The following THTPA variants were observed in gnomAD, a reference collection of about 807,000 sequenced individuals.
THTPA encodes thiamine triphosphatase.
A neutral mutation model predicts 16.5 loss-of-function variants in THTPA; 16 were observed. The ratio of observed to expected loss-of-function variants is 0.97; its 90% confidence interval spans 0.66 to 1.47. The LOEUF is 1.47. Among genes scored for constraint, THTPA ranks in the 40% most tolerant of loss-of-function variants. The pLI, the probability that THTPA is intolerant of heterozygous loss-of-function variation, is 0.00. For synonymous variants in THTPA, 110 were observed against 115.5 expected, an observed-to-expected ratio of 0.95 and a Z score of 0.30; for missense variants, 281 against 280.9, an observed-to-expected ratio of 1.00 and a Z score of 0.00.
chr14:23,523,481 T>C, the THTPA span: 137 of 1,536,122 alleles, frequency 8.9e-5, no homozygotes, highest in Non-Finnish European at 1.1e-4. The surrounding 1 kb of genome is among the most constrained non-coding windows in gnomAD (Gnocchi z 4.1). Context: ...GAAATCATAC[T>C]TGACATCACA....
At chr14:23,525,999 C>G in the THTPA span, 1 of 1,530,088 alleles carries the variant, frequency 6.5e-7, no homozygotes, top group South Asian at 1.2e-5. The surrounding 1 kb of genome is among the most constrained non-coding windows in gnomAD (Gnocchi z 5.9). Flanking sequence ...GATATGAAGC[C>G]ACTGGTGTCA....
the THTPA span, among the ~76,000 whole-genome samples, chr14:23,512,515 G>A: frequency 1.3e-5 from 2 of 151,110 alleles, no homozygotes; most frequent in Non-Finnish European, 2.9e-5. Context: ...GAGCTCTCCC[G>A]ATACCCCACC....
chr14:23,513,400 TGTGTATGTGTGTGTGC>T, the THTPA span: 1 of 152,420 alleles, frequency 6.6e-6, no homozygotes, highest in African/African-American at 2.4e-5. Context: ...GCCGTGTGTG[TGTGTATGTGTGTGTGC>T]GCGCATGTAC....
the THTPA span, chr14:23,528,675 C>T: frequency 1.0e-6 from 1 of 985,366 alleles, no homozygotes; most frequent in Non-Finnish European, 1.2e-6. Context: ...TCAGCAGCTC[C>T]CACCTTATTT....
the THTPA span, chr14:23,548,382 C>G: frequency 6.6e-6 from 1 of 152,222 alleles, no homozygotes; most frequent in Non-Finnish European, 1.5e-5. Context: ...AGTCAGAAAT[C>G]CTACCAATTC....
chr14:23,557,164 A>G lies in THTPA; in HGVS notation c.407A>G (p.Asp136Gly). Residue 136 changes from aspartate to glycine, a missense_variant, in exon 1 of 2, where the codon GAT (aspartate) becomes GGT (glycine). Transcript: ENST00000288014. The part of the protein sequence containing the change: ...SAWKLVLLGA[D>G]EEEPQLRVDL... The stretch of plus-strand genomic sequence containing the variant: ...TGGAAGCTGGTGCTCTTGGGAGCTG[A>G]TGAAGAGGAGCCACAGCTCAGGGTG... 1 of 1,614,112 alleles carries G rather than the reference A, an allele frequency of 6.2e-7. No individual in the cohort carries two copies. The highest frequency in any genetic ancestry group is 8.5e-7 in the Non-Finnish European group (1 of 1,179,998).
chr14:23,559,645 A>C lies in THTPA; in HGVS notation c.*805A>C. The C allele has an allele frequency of 9.7e-7, 1 of 1,035,880 alleles. No homozygotes were observed. Among genetic ancestry groups the C allele is most frequent in the Non-Finnish European group, 1.5e-6 (1 of 680,964 alleles). 64.2% of individuals were successfully genotyped at this position (1,035,880 alleles called of 1,614,324 possible). On this transcript the variant is annotated 3_prime_UTR_variant, in exon 2 of 2. Transcript: ENST00000288014. ...CTGGTCCCCAGTTTTTGCAGTGCAA[A>C]GCCAGAGCGCCACCTGCTGGTAGCC...
At chr14:23,524,149 C>T in the THTPA span, 11 of 1,535,890 alleles carry the variant, frequency 7.2e-6, no homozygotes, top group East Asian at 9.8e-5. This position sits in a 1 kb window ranked among gnomAD's most constrained non-coding sequence, Gnocchi z 5.6. Context: ...CTGTGGCAGG[C>T]GGTTTCACTG....
Position 23,560,073 on chromosome 14 carries a change from T to C in THTPA, c.*1233T>C. ...AGTTTAACAGAGCACAGTATGGCAG[T>C]AGGTAGGGCTCAGGCAGCCCCTCTA... On this transcript the variant is annotated 3_prime_UTR_variant, in exon 2 of 2. Coordinates refer to ENST00000288014, the MANE Select transcript of THTPA (RefSeq NM_024328.6). 3 of 1,477,332 alleles carry C rather than the reference T, an allele frequency of 2.0e-6. No individual in the cohort carries two copies. The highest frequency in any genetic ancestry group is 2.8e-6 in the Non-Finnish European group (3 of 1,066,896). 91.5% of individuals were successfully genotyped at this position (1,477,332 alleles called of 1,614,324 possible). A position where few individuals can be genotyped will look rare whatever the true frequency, so the allele number is the denominator to read the frequency against.
the THTPA span, chr14:23,530,366 T>C: frequency 4.3e-6 from 3 of 702,432 alleles, no homozygotes; most frequent in East Asian, 2.7e-5. Flanking sequence ...ACACAGAAGA[T>C]AGAGGGAAAA....
chr14:23,524,549 G>A, the THTPA span: 5 of 1,530,560 alleles, frequency 3.3e-6, no homozygotes, highest in South Asian at 3.6e-5. The surrounding 1 kb of genome is among the most constrained non-coding windows in gnomAD (Gnocchi z 5.6). Context: ...GGGAGCACTG[G>A]GCTGCAGAGA....
chr14:23,533,181 A>C, the THTPA span: 21 of 1,440,816 alleles, frequency 1.5e-5, no homozygotes, highest in Non-Finnish European at 1.8e-5. This position sits in a 1 kb window ranked among gnomAD's most constrained non-coding sequence, Gnocchi z 4.8. Flanking sequence ...TAGTGCTCAG[A>C]GGGACTTATG....
At chr14:23,530,060 C>T in the THTPA span, 1 of 1,432,428 alleles carries the variant, frequency 7.0e-7, no homozygotes. Context: ...TGGATTACTG[C>T]AAGGTCCCGT....
chr14:23,512,410 C>T, the THTPA span, among the ~76,000 whole-genome samples: 2 of 151,476 alleles, frequency 1.3e-5, no homozygotes, highest in Admixed American at 6.6e-5. Flanking sequence ...TGGGGCTGTG[C>T]GGCTGGGGGT....
chr14:23,537,156 C>T, the THTPA span, among the ~76,000 whole-genome samples: 1 of 151,656 alleles, frequency 6.6e-6, no homozygotes. Flanking sequence ...CTCCGTCTCA[C>T]CAAAAAAACA....
At chr14:23,541,096 G>C in the THTPA span, among the ~76,000 whole-genome samples, 4 of 151,782 alleles carry the variant, frequency 2.6e-5, no homozygotes, top group African/African-American at 9.7e-5. Context: ...AGTAGAGACG[G>C]GGTTTCACCA....
chr14:23,548,122 C>G, the THTPA span, among the ~76,000 whole-genome samples: 1 of 152,196 alleles, frequency 6.6e-6, no homozygotes. Flanking sequence ...ATTACACTTT[C>G]AACAACTCTC....
the THTPA span, among the ~76,000 whole-genome samples, chr14:23,545,576 T>G: frequency 6.6e-6 from 1 of 152,256 alleles, no homozygotes; most frequent in African/African-American, 2.4e-5. Context: ...TTTCTCATCC[T>G]TCCCTGGCCT....
chr14:23,535,281 G>C, the THTPA span: 168 of 1,486,180 alleles, frequency 1.1e-4, no homozygotes, highest in Non-Finnish European at 1.4e-4. This position sits in a 1 kb window ranked among gnomAD's most constrained non-coding sequence, Gnocchi z 4.5. Context: ...TGTGCCCAGG[G>C]GAGGGGGTGG....
Sources: allele counts gnomAD v4.1 joint callset (sites outside exome capture counted in the v4.1 genomes callset), GRCh38; gene constraint gnomAD v4.1.1; non-coding constraint Gnocchi (gnomAD v3.1); transcripts MANE v1.5; gene names NCBI Gene and HGNC (gene_info 2026-07-23, HGNC 2026-07-21).